The following SCG5 variants were observed in gnomAD, a reference collection of about 807,000 sequenced individuals.
The protein encoded by SCG5 is neuroendocrine protein 7B2.
A neutral mutation model predicts 25.7 loss-of-function variants in SCG5; 18 were observed. The ratio of observed to expected loss-of-function variants is 0.70; its 90% CI spans 0.48 to 1.04. The LOEUF (loss-of-function observed/expected upper bound fraction) is 1.04. Ranked by LOEUF, SCG5 falls within the 50% of genes least tolerant of loss-of-function variation. SCG5 has a pLI of 0.00. For missense variants in SCG5, 206 were observed against 259.8 expected, an observed-to-expected ratio of 0.79 and a Z score of 1.42; for synonymous variants, 101 against 91.7, an observed-to-expected ratio of 1.10 and a Z score of -0.58.
intron 2 of SCG5, among the ~76,000 whole-genome samples, chr15:32,660,972 A>G (rs936471458): frequency 5.3e-5 from 8 of 152,256 alleles, no homozygotes; most frequent in South Asian, 2.1e-4. Context: ...TATAACTGCA[A>G]AAGTTTGCTA....
At chr15:32,693,499 T>C (rs1367833804) in intron 5 of SCG5, among the ~76,000 whole-genome samples, 1 of 152,214 alleles carries the variant, frequency 6.6e-6, no homozygotes, top group Non-Finnish European at 1.5e-5. Flanking sequence ...AGGAAGCACG[T>C]TGGCCCTGCC....
At chr15:32,663,032 AATATATATATATATATATATAT>A (rs67571496) in intron 2 of SCG5, among the ~76,000 whole-genome samples, 9,768 of 79,240 alleles carry the variant, frequency 0.12, 770 homozygotes, top group East Asian at 0.3. Flanking sequence ...AAAAAAAAAG[AATATATATATATATATATATAT>A]ATATATATAT....
intron 2 of SCG5, among the ~76,000 whole-genome samples, chr15:32,671,860 G>C (rs961055866): frequency 6.6e-6 from 1 of 152,054 alleles, no homozygotes; most frequent in African/African-American, 2.4e-5. Flanking sequence ...GAGCCACCCC[G>C]CCCCTTCCTC....
intron 2 of SCG5, among the ~76,000 whole-genome samples, chr15:32,671,439 C>G (rs1031432219): frequency 6.6e-6 from 1 of 152,066 alleles, no homozygotes; most frequent in Non-Finnish European, 1.5e-5. Context: ...ATATGAAGTT[C>G]CACCCTCATG....
At chr15:32,664,580 AAC>A (rs2054288759) in intron 2 of SCG5, among the ~76,000 whole-genome samples, 1 of 152,186 alleles carries the variant, frequency 6.6e-6, no homozygotes, top group Non-Finnish European at 1.5e-5. Flanking sequence ...CAAGAAAAAT[AAC>A]ACACAATTGC....
intron 3 of SCG5, 79 bp from the exon 4 acceptor site, chr15:32,684,478 T>G (rs2054669378): frequency 1.2e-6 from 1 of 851,228 alleles, no homozygotes; most frequent in Non-Finnish European, 1.9e-6. Flanking sequence ...TTTGGCTGCC[T>G]AGTTGTTTTT....
chr15:32,649,616 G>A (rs1160302405), intron 2 of SCG5, among the ~76,000 whole-genome samples: 2 of 152,088 alleles, frequency 1.3e-5, no homozygotes, highest in Admixed American at 6.5e-5. Context: ...TTAAGTGGTC[G>A]CTGGGGTAGA....
At chr15:32,680,770 A>G (rs540391777) in intron 3 of SCG5, among the ~76,000 whole-genome samples, 1 of 152,280 alleles carries the variant, frequency 6.6e-6, no homozygotes, top group Non-Finnish European at 1.5e-5. Flanking sequence ...AAGAAGGTTG[A>G]AATTTTCCAT....
intron 2 of SCG5, among the ~76,000 whole-genome samples, chr15:32,659,099 C>A (rs1418581649): frequency 6.6e-6 from 1 of 152,062 alleles, no homozygotes; most frequent in African/African-American, 2.4e-5. Context: ...TGGCGAGAAC[C>A]TGGGAGGCGG....
chr15:32,688,860 G>A (rs1024838565), intron 4 of SCG5, among the ~76,000 whole-genome samples: 2 of 151,316 alleles, frequency 1.3e-5, no homozygotes, highest in African/African-American at 4.9e-5. Context: ...TTGGGAGGCT[G>A]AGGCAGGAGA....
chr15:32,667,063 A>G (rs935982410), intron 2 of SCG5, among the ~76,000 whole-genome samples: 2 of 152,238 alleles, frequency 1.3e-5, no homozygotes, highest in Non-Finnish European at 1.5e-5. Flanking sequence ...AATTCTTTAT[A>G]TCAATTACAT....
Position 32,696,969 on chromosome 15 carries a change from G to T in SCG5, c.*360G>T, listed in dbSNP as rs1595827172. On this transcript the variant is annotated 3_prime_UTR_variant, in exon 6 of 6. Transcript: ENST00000300175. ...CCAAGTCTGTAGAAAGCTGTCATTT[G>T]ATTTTGATTATGTAGTTCATCCAGC... 1.7e-5 allele frequency: 3 copies of T among 178,308 alleles called. No individual in the cohort carries two copies. The highest frequency in any genetic ancestry group is 7.1e-5 in the African/African-American group (3 of 42,320). 11.0% of individuals were successfully genotyped at this position (178,308 alleles called of 1,614,324 possible).
intron 2 of SCG5, among the ~76,000 whole-genome samples, chr15:32,678,266 C>A (rs2054562822): frequency 6.6e-6 from 1 of 152,140 alleles, no homozygotes; most frequent in South Asian, 2.1e-4. Flanking sequence ...AACCAGAATT[C>A]AAACTCAGAC....
In SCG5 at chr15:32,680,226, C is replaced by T. The variant is rs542737320; in HGVS notation, c.376+311C>T. Among the ~76,000 whole-genome samples the T allele has an allele frequency of 1.5e-3, 209 of 141,292 alleles. 1 individual carries two copies. The highest frequency in any genetic ancestry group is 5.2e-3 in the African/African-American group (197 of 37,574). The allele number at this position is 141,292 out of a possible 152,430, so 92.7% of individuals were successfully genotyped here. ...TTTTTTTTTTTTTGAGACAAAGTCT[C>T]GCTGTGTCACCCAGGCTGGAGTGCA... On this transcript the variant is annotated intron_variant, in intron 3 of 5. Transcript: ENST00000300175.
At chr15:32,676,404 C>T (rs989070485) in intron 2 of SCG5, among the ~76,000 whole-genome samples, 20 of 152,174 alleles carry the variant, frequency 1.3e-4, no homozygotes, top group African/African-American at 3.9e-4. Context: ...CATTAAGACA[C>T]GCATTCTGCC....
chr15:32,696,167 G>A (rs1353229208), intron 5 of SCG5, among the ~76,000 whole-genome samples: 2 of 151,914 alleles, frequency 1.3e-5, no homozygotes, highest in Non-Finnish European at 2.9e-5. Flanking sequence ...GCCCAGGCTG[G>A]AGTGCAGTGG....
intron 2 of SCG5, among the ~76,000 whole-genome samples, chr15:32,665,351 G>A (rs73371036): frequency 0.015 from 2,310 of 149,758 alleles, 60 homozygotes; most frequent in African/African-American, 0.054. Context: ...TCAGCATTAG[G>A]TTCTGGTTTG....
chr15:32,657,179 ATTCT>A (rs66743436), intron 2 of SCG5, among the ~76,000 whole-genome samples: 63,786 of 65,862 alleles, frequency 0.97, 31,230 homozygotes, highest in East Asian at 1. Context: ...ATGGTCCTTA[ATTCT>A]TTCTTTCATC....
rs2053900381 is a variant in SCG5, at chr15:32,643,644, G to A, written c.52G>A (p.Ala18Thr). The A allele has an allele frequency of 6.2e-7, 1 of 1,613,940 alleles. No homozygotes were observed. Among genetic ancestry groups the A allele is most frequent in the Admixed American group, 1.7e-5 (1 of 60,012 alleles). The change falls in exon 2 of 6, where the codon GCA becomes ACA. Residue 18 changes from alanine to threonine, a missense_variant. Ala to Thr is a moderately conservative substitution (Grantham distance 58, BLOSUM62 0). Transcript: ENST00000300175. ...TMLSGLLFWL[A>T]SGWTPAFAYS... ...GCTATCTGGCCTACTGTTTTGGCTG[G>A]CATCTGGATGGACTCCAGCATTTGC... is the stretch of plus-strand genomic sequence containing the variant.
Sources: allele counts gnomAD v4.1 joint callset (sites outside exome capture counted in the v4.1 genomes callset), GRCh38; gene constraint gnomAD v4.1.1; transcripts MANE v1.5; gene names NCBI Gene and HGNC (gene_info 2026-07-23, HGNC 2026-07-21).